Variants in ETV6 observed in about 807,000 individuals in gnomAD.
ETV6 encodes the protein ETS variant transcription factor 6.
A neutral mutation model predicts 51.1 loss-of-function variants in ETV6; 16 were observed. The observed-to-expected ratio is 0.31, with a 90% CI of 0.21 to 0.48. The LOEUF is 0.48. Among genes scored for constraint, ETV6 ranks in the 20% least tolerant of loss-of-function variants. The pLI is 0.99. For synonymous variants in ETV6, 240 were observed against 224.1 expected (o/e 1.07, Z -0.64); for missense variants, 458 against 594.8 (o/e 0.77, Z 2.39).
rs1013723354 is a variant in ETV6 at position 11,894,063 on chromosome 12, C to G, written c.*3017C>G. 1 of 227,180 alleles carries G rather than the reference C, an allele frequency of 4.4e-6. No homozygotes were observed. Among genetic ancestry groups the G allele is most frequent in the Non-Finnish European group, 8.7e-6 (1 of 114,364 alleles). 14.1% of individuals were successfully genotyped at this position (227,180 alleles called of 1,614,324 possible). On this transcript the variant is annotated 3_prime_UTR_variant, in exon 8 of 8. Coordinates refer to ENST00000396373, the MANE Select transcript of ETV6 (RefSeq NM_001987.5). ...ACCTGGATACAGTATTTACACCCTG[C>G]AGACCCTAAAGATTTCAGATTCAGT...
chr12:11,888,753 A>T (rs567327267), intron 7 of ETV6, among the ~76,000 whole-genome samples: 1 of 152,154 alleles, frequency 6.6e-6, no homozygotes, highest in East Asian at 1.9e-4. Flanking sequence ...CCCAGGCTAG[A>T]GTGCAGTGGT....
At chr12:11,660,842 A>G (rs527967953) in intron 1 of ETV6, among the ~76,000 whole-genome samples, 1 of 152,076 alleles carries the variant, frequency 6.6e-6, no homozygotes, top group African/African-American at 2.4e-5. Flanking sequence ...ATTTTCATGT[A>G]TTGACCTGGG....
chr12:11,797,291 TC>T (rs60795005), intron 2 of ETV6, among the ~76,000 whole-genome samples: 67,084 of 151,846 alleles, frequency 0.44, 15,015 homozygotes, highest in Non-Finnish European at 0.49. Flanking sequence ...TTCCAAAACC[TC>T]GGCTGTACCC....
intron 1 of ETV6, among the ~76,000 whole-genome samples, chr12:11,737,288 C>A (rs954471944): frequency 2.0e-5 from 3 of 152,174 alleles, no homozygotes; most frequent in Non-Finnish European, 2.9e-5. Context: ...GGGGCACCTG[C>A]AGCTGAGTCC....
At chr12:11,862,360 G>A (rs946002181) in intron 4 of ETV6, among the ~76,000 whole-genome samples, 3 of 152,164 alleles carry the variant, frequency 2.0e-5, no homozygotes, top group Non-Finnish European at 2.9e-5. Flanking sequence ...AAGGTTGAAC[G>A]TCAGGTAACT....
At position 11,893,531 on chromosome 12, in the gene ETV6, G is replaced by T. The variant is rs970227458; in HGVS notation, c.*2485G>T. ...GTCTTTATTTCCCATTCAGATACAGGTTGAGCATCCCTAATCTGAACAGTT... is the reference window on the plus strand; with the variant it reads ...GTCTTTATTTCCCATTCAGATACAGTTTGAGCATCCCTAATCTGAACAGTT... On this transcript the variant is annotated 3_prime_UTR_variant, in exon 8 of 8. Coordinates refer to ENST00000396373, the MANE Select transcript of ETV6 (RefSeq NM_001987.5). 4.3e-6 allele frequency: 1 copy of T among 231,544 alleles called. No homozygotes were observed. Among genetic ancestry groups the T allele is most frequent in the Non-Finnish European group, 8.5e-6 (1 of 117,146 alleles). The allele number at this position is 231,544 out of a possible 1,614,324, so 14.3% of individuals were successfully genotyped here.
intron 1 of ETV6, among the ~76,000 whole-genome samples, chr12:11,695,285 G>T (rs1864853600): frequency 6.6e-6 from 1 of 152,302 alleles, no homozygotes; most frequent in East Asian, 1.9e-4. Context: ...TAGGGACAGG[G>T]ATAGAATGGC....
At chr12:11,744,121 G>A (rs774723933) in intron 1 of ETV6, among the ~76,000 whole-genome samples, 2 of 152,168 alleles carry the variant, frequency 1.3e-5, no homozygotes, top group Admixed American at 6.5e-5. Flanking sequence ...GAACAGTCAC[G>A]TGGCAATAGT....
At chr12:11,714,649 GAAAAAAAAAAAAA>G (rs10709538) in intron 1 of ETV6, among the ~76,000 whole-genome samples, 1 of 87,090 alleles carries the variant, frequency 1.1e-5, no homozygotes, top group East Asian at 3.4e-4. Context: ...ACCTTGAGGT[GAAAAAAAAAAAAA>G]AAAAAAAAAA....
intron 1 of ETV6, among the ~76,000 whole-genome samples, chr12:11,710,675 G>A (rs1440941525): frequency 3.3e-5 from 5 of 152,192 alleles, no homozygotes; most frequent in African/African-American, 7.2e-5. Context: ...GGGGCCCTGC[G>A]CTCTGCTAGT....
At chr12:11,788,915 T>C (rs1200165236) in intron 2 of ETV6, among the ~76,000 whole-genome samples, 1 of 152,168 alleles carries the variant, frequency 6.6e-6, no homozygotes, top group Non-Finnish European at 1.5e-5. Context: ...ATATTAAGAT[T>C]ATATAAGTGC....
chr12:11,815,570 T>G (rs938160669), intron 2 of ETV6, among the ~76,000 whole-genome samples: 1 of 152,246 alleles, frequency 6.6e-6, no homozygotes, highest in Non-Finnish European at 1.5e-5. Flanking sequence ...TTCAGGTGGC[T>G]CAGCTGGAAG....
chr12:11,674,175 C>T (rs751869480), intron 1 of ETV6, among the ~76,000 whole-genome samples: 5 of 152,106 alleles, frequency 3.3e-5, no homozygotes, highest in African/African-American at 4.8e-5. Flanking sequence ...CCAGATCGTT[C>T]GCTTCCTTCC....
intron 2 of ETV6, among the ~76,000 whole-genome samples, chr12:11,763,594 G>C (rs1945122725): frequency 6.6e-6 from 1 of 152,210 alleles, no homozygotes; most frequent in African/African-American, 2.4e-5. Flanking sequence ...AAAAATTTTT[G>C]CTTCAGATGA....
At chr12:11,744,920 A>G (rs1307305384) in intron 1 of ETV6, among the ~76,000 whole-genome samples, 1 of 151,016 alleles carries the variant, frequency 6.6e-6, no homozygotes, top group Non-Finnish European at 1.5e-5. Context: ...AAAAAAAAAA[A>G]AGAGAGAATT....
At chr12:11,757,268 C>G (rs1019754297) in intron 2 of ETV6, among the ~76,000 whole-genome samples, 1 of 152,144 alleles carries the variant, frequency 6.6e-6, no homozygotes, top group East Asian at 1.9e-4. Flanking sequence ...TGCTCACCCA[C>G]TCGGCTGTTT....
intron 1 of ETV6, among the ~76,000 whole-genome samples, chr12:11,748,764 G>A (rs1412742318): frequency 1.3e-5 from 2 of 152,168 alleles, no homozygotes; most frequent in Non-Finnish European, 2.9e-5. Flanking sequence ...TTAAAAATGA[G>A]CAGAATTAGA....
At chr12:11,771,084 T>A (rs1945236477) in intron 2 of ETV6, among the ~76,000 whole-genome samples, 1 of 152,228 alleles carries the variant, frequency 6.6e-6, no homozygotes, top group African/African-American at 2.4e-5. Flanking sequence ...AACTCCAGTG[T>A]CTGAAAACAT....
At position 11,704,350 on chromosome 12, in the gene ETV6, C is replaced by A. The variant is rs1865034984; in HGVS notation, c.34-48100C>A. Among the ~76,000 whole-genome samples the A allele has an allele frequency of 2.6e-5, 4 of 151,844 alleles. No individual in the cohort carries two copies. In the South Asian group the frequency reaches 8.3e-4, roughly 32 times the overall value. On this transcript the variant is annotated intron_variant, in intron 1 of 7. Coordinates refer to ENST00000396373, the MANE Select transcript of ETV6 (RefSeq NM_001987.5). ...GGGGAAGAGGAGTGAGTTTACAAGG[C>A]CTTTTTTTCTTTTTTTGACAGAGTC... is the stretch of plus-strand genomic sequence containing the variant.
Sources: allele counts gnomAD v4.1 joint callset (sites outside exome capture counted in the v4.1 genomes callset), GRCh38; gene constraint gnomAD v4.1.1; transcripts MANE v1.5; gene names NCBI Gene and HGNC (gene_info 2026-07-23, HGNC 2026-07-21).